SIM1: variants seen among roughly 807,000 people sequenced by gnomAD.
The protein encoded by SIM1 is SIM bHLH transcription factor 1, also known as single-minded homolog 1.
Under a neutral mutation model 78.2 loss-of-function variants are expected in SIM1, and 18 were observed. The observed-to-expected ratio is 0.23, with a 90% confidence interval of 0.16 to 0.34. The LOEUF (loss-of-function observed/expected upper bound fraction) is 0.34, where lower values mean the gene tolerates loss of function less well. SIM1 is among the 10% of genes least tolerant of loss of function. The pLI, the probability that SIM1 is intolerant of heterozygous loss-of-function variation, is 1.00. For missense variants in SIM1, 939 were observed against 975.1 expected (o/e 0.96, Z 0.49); for synonymous variants, 417 against 385.2 (o/e 1.08, Z -0.97).
chr6:100,464,357 G>T (rs566544510), intron 1 of SIM1, among the ~76,000 whole-genome samples: 18 of 152,288 alleles, frequency 1.2e-4, no homozygotes, highest in South Asian at 4.1e-4. Context: ...TTTAACTTGG[G>T]TCTCAAGTCT....
intron 10 of SIM1, among the ~76,000 whole-genome samples, chr6:100,413,965 TTG>T (rs1163995576): frequency 6.6e-6 from 1 of 152,222 alleles, no homozygotes; most frequent in Non-Finnish European, 1.5e-5. Context: ...CTCAGCAAGA[TTG>T]TGTGTCCTTC....
intron 2 of SIM1, among the ~76,000 whole-genome samples, chr6:100,457,357 C>T (rs1031919475): frequency 3.9e-5 from 6 of 152,194 alleles, no homozygotes; most frequent in African/African-American, 1.2e-4. Flanking sequence ...GGCCCTGTTC[C>T]ATGACCTGAC....
chr6:100,400,914 T>C (rs539151394), intron 10 of SIM1, among the ~76,000 whole-genome samples: 1 of 152,046 alleles, frequency 6.6e-6, no homozygotes, highest in African/African-American at 2.4e-5. Context: ...GGGGAAAAAC[T>C]GTTGAGAAAT....
At chr6:100,447,174 C>G (rs1298607794) in intron 9 of SIM1, 94 bp downstream of exon 9, 27 of 1,450,024 alleles carry the variant, frequency 1.9e-5, no homozygotes, top group Middle Eastern at 2.4e-4. Context: ...CCCCGTGGCC[C>G]GAGCCTTGTC....
At chr6:100,454,837 C>CA (rs1017634629) in intron 2 of SIM1, among the ~76,000 whole-genome samples, 3 of 152,060 alleles carry the variant, frequency 2.0e-5, no homozygotes, top group Admixed American at 2.0e-4. Flanking sequence ...ACAAAGAAGG[C>CA]AAAAAAACTT....
intron 10 of SIM1, among the ~76,000 whole-genome samples, chr6:100,414,056 T>A (rs1221241182): frequency 6.6e-6 from 1 of 152,220 alleles, no homozygotes; most frequent in East Asian, 1.9e-4. Flanking sequence ...AACAGGATAG[T>A]GACAAATACA....
At chr6:100,409,204 T>C (rs1771131386) in intron 10 of SIM1, among the ~76,000 whole-genome samples, 2 of 152,144 alleles carry the variant, frequency 1.3e-5, no homozygotes. Context: ...GCTGCACCCA[T>C]TAACTTGTCA....
At position 100,393,803 on chromosome 6, in the gene SIM1, C is replaced by T. The variant is rs377529326; in HGVS notation, c.1254G>A (p.Gln418=). 74 of 1,613,656 alleles carry T rather than the reference C, an allele frequency of 4.6e-5. No individual in the cohort carries two copies. Among genetic ancestry groups the T allele is most frequent in the Non-Finnish European group, 6.0e-5 (71 of 1,179,840 alleles). ...CAGGCCTATCGGCGGGGTCCAGAAG[C>T]TGCGGAGAGGCCGTGTCGGTCAAGG... ...GSPLTDTASP[Q]LLDPADRPGS... The change falls in exon 11 of 12, where the codon CAG becomes CAA. Residue 418 remains glutamine, a synonymous_variant. Coordinates refer to ENST00000369208, the MANE Select transcript of SIM1 (RefSeq NM_005068.3).
At chr6:100,396,431 T>C (rs1442427961) in intron 10 of SIM1, among the ~76,000 whole-genome samples, 1 of 152,082 alleles carries the variant, frequency 6.6e-6, no homozygotes, top group African/African-American at 2.4e-5. Context: ...TGTCCTTCAA[T>C]CACAATGAAA....
chr6:100,448,393 G>T, intron 7 of SIM1, 86 bp downstream of exon 7: 1 of 1,455,350 alleles, frequency 6.9e-7, no homozygotes, highest in Non-Finnish European at 9.4e-7. Context: ...TGCAAAATGG[G>T]CTCATAGGAT....
rs1192104559 is a variant in SIM1, at chr6:100,463,944, A to T, written c.-467-9T>A. The T allele has an allele frequency of 1.3e-5, 2 of 154,886 alleles. No individual in the cohort carries two copies. Among genetic ancestry groups the T allele is most frequent in the Non-Finnish European group, 2.9e-5 (2 of 69,724 alleles). The allele number at this position is 154,886 out of a possible 1,614,324, so 9.6% of individuals were successfully genotyped here. A position where few individuals can be genotyped will look rare whatever the true frequency, so the allele number is the denominator to read the frequency against. ...ACAACTCTTTCAAGGCCCTGTGAAG[A>T]CAACAGCATCAGAGCATAAGAGATC... On this transcript the variant is annotated splice_polypyrimidine_tract_variant and intron_variant, in intron 1 of 11. Coordinates refer to ENST00000369208, the MANE Select transcript of SIM1 (RefSeq NM_005068.3).
chr6:100,452,729 A>T lies in SIM1; in HGVS notation c.258+1033T>A, dbSNP rs1378584417. Reference sequence around the variant, plus strand: ...AAATATTGGGGGAAGGACACAGGGAAATCTGATAGAAGATGTCTTAGAGTT... The same window carrying T: ...AAATATTGGGGGAAGGACACAGGGATATCTGATAGAAGATGTCTTAGAGTT... On this transcript the variant is annotated intron_variant, in intron 3 of 11. Coordinates refer to ENST00000369208, the MANE Select transcript of SIM1 (RefSeq NM_005068.3). 3.9e-5 allele frequency among the ~76,000 whole-genome samples: 6 copies of T among 152,312 alleles called. No homozygotes were observed. In the East Asian group the frequency reaches 1.2e-3, roughly 29 times the overall value.
intron 10 of SIM1, among the ~76,000 whole-genome samples, chr6:100,411,181 G>C (rs1476164640): frequency 1.3e-5 from 2 of 152,192 alleles, no homozygotes; most frequent in African/African-American, 4.8e-5. Context: ...TGAGATGGAA[G>C]ATAGGGTCAA....
chr6:100,405,228 TA>T (rs1041324790), intron 10 of SIM1, among the ~76,000 whole-genome samples: 2 of 151,754 alleles, frequency 1.3e-5, no homozygotes, highest in African/African-American at 2.4e-5. Flanking sequence ...AATTAAGCTT[TA>T]AAAAAAACTT....
At chr6:100,464,495 G>T (rs1488167649) in intron 1 of SIM1, 119 bp downstream of exon 1, 1 of 152,156 alleles carries the variant, frequency 6.6e-6, no homozygotes, top group African/African-American at 2.4e-5. Flanking sequence ...AACAGGTGGC[G>T]CGCTCGCGAC....
intron 2 of SIM1, among the ~76,000 whole-genome samples, chr6:100,460,711 T>C (rs1339402605): frequency 1.3e-5 from 2 of 152,246 alleles, no homozygotes. Flanking sequence ...GTTTGCTCTC[T>C]GCCTTCAGTC....
At chr6:100,400,800 C>A (rs1770895823) in intron 10 of SIM1, among the ~76,000 whole-genome samples, 1 of 152,030 alleles carries the variant, frequency 6.6e-6, no homozygotes, top group Non-Finnish European at 1.5e-5. Flanking sequence ...AGTAGAGTGC[C>A]AACTGATGAA....
At chr6:100,403,430 T>C (rs1325694594) in intron 10 of SIM1, among the ~76,000 whole-genome samples, 1 of 152,252 alleles carries the variant, frequency 6.6e-6, no homozygotes. Flanking sequence ...CCCAATGGGA[T>C]CTATTTACAA....
intron 9 of SIM1, among the ~76,000 whole-genome samples, chr6:100,425,555 C>T (rs951972553): frequency 3.3e-5 from 5 of 152,158 alleles, no homozygotes; most frequent in Admixed American, 1.3e-4. Flanking sequence ...ATTTCAAATA[C>T]GGTTGATGTG....
Sources: gnomAD v4.1 joint callset for allele counts (sites outside exome capture counted in the v4.1 genomes callset) on GRCh38, gnomAD v4.1.1 for gene constraint, MANE v1.5 for transcripts, NCBI Gene and HGNC (gene_info 2026-07-23, HGNC 2026-07-21) for gene names.